Variants in ADAM23 observed in about 807,000 individuals in gnomAD.
The protein encoded by ADAM23 is disintegrin and metalloproteinase domain-containing protein 23.
ADAM23 carries 33 observed loss-of-function variants against 120.1 expected under a neutral mutation model. That is an observed-to-expected ratio of 0.27 (90% CI 0.21 to 0.37). The LOEUF is 0.37. Ranked by LOEUF, ADAM23 falls within the 10% of genes least tolerant of loss-of-function variation. ADAM23 has a pLI of 1.00. For missense variants in ADAM23, 862 were observed against 1,058.2 expected (o/e 0.81, Z 2.57); for synonymous variants, 367 against 375.2 (o/e 0.98, Z 0.25).
At chr2:206,453,520 A>G (rs1434081356) in intron 2 of ADAM23, among the ~76,000 whole-genome samples, 2 of 152,254 alleles carry the variant, frequency 1.3e-5, no homozygotes, top group Admixed American at 6.5e-5. Flanking sequence ...ATTCATTCAT[A>G]TAATTCATTC....
chr2:206,502,936 C>A (rs2059303), intron 3 of ADAM23, among the ~76,000 whole-genome samples: 100,051 of 152,002 alleles, frequency 0.66, 33,448 homozygotes, highest in African/African-American at 0.73. Flanking sequence ...CCAGGGGGAG[C>A]TATGTAGATT....
chr2:206,449,830 G>A (rs758433123), intron 2 of ADAM23, among the ~76,000 whole-genome samples: 7 of 152,202 alleles, frequency 4.6e-5, no homozygotes, highest in East Asian at 1.9e-4. Flanking sequence ...TAGGATTCTC[G>A]TCTCTTCTGG....
intron 7 of ADAM23, 120 bp from the exon 8 acceptor site, chr2:206,548,161 C>A (rs1164233957): frequency 5.9e-6 from 5 of 849,648 alleles, no homozygotes; most frequent in Non-Finnish European, 7.3e-6. Flanking sequence ...GATCAGTGTG[C>A]TTTTTTTCAC....
chr2:206,525,077 T>A (rs1449240996), intron 3 of ADAM23, among the ~76,000 whole-genome samples: 1 of 152,220 alleles, frequency 6.6e-6, no homozygotes, highest in Non-Finnish European at 1.5e-5. Context: ...ATGTCTGTTG[T>A]CCTGGCACAA....
At chr2:206,591,752 A>C (rs1171531806) in intron 21 of ADAM23, among the ~76,000 whole-genome samples, 2 of 152,156 alleles carry the variant, frequency 1.3e-5, no homozygotes, top group Non-Finnish European at 2.9e-5. Context: ...TGAACTAGTA[A>C]ATTCTACCAT....
At chr2:206,562,987 G>A (rs910866914) in intron 13 of ADAM23, among the ~76,000 whole-genome samples, 2 of 152,142 alleles carry the variant, frequency 1.3e-5, no homozygotes, top group African/African-American at 4.8e-5. Flanking sequence ...AAGGGTCTAG[G>A]GCTCACAGTA....
At position 206,534,166 on chromosome 2, in the gene ADAM23, C is replaced by T. The variant is rs562168046; in HGVS notation, c.573+3218C>T. On this transcript the variant is annotated intron_variant, in intron 4 of 25. Transcript: ENST00000264377. ...AAACCACACCACCTGTTAACAGTTG[C>T]TCCCCAGTCTCTCTTTTACCAACCA... Among the ~76,000 whole-genome samples the T allele has an allele frequency of 2.3e-3, 354 of 152,218 alleles. 2 individuals are homozygous for T. Among genetic ancestry groups the T allele is most frequent in the Non-Finnish European group, 3.1e-3 (209 of 67,998 alleles).
intron 18 of ADAM23, among the ~76,000 whole-genome samples, chr2:206,580,869 T>C (rs1462873793): frequency 6.6e-6 from 1 of 152,190 alleles, no homozygotes; most frequent in Non-Finnish European, 1.5e-5. Context: ...TGGTAATTTT[T>C]AAATTATCAT....
intron 24 of ADAM23, among the ~76,000 whole-genome samples, chr2:206,604,133 G>T (rs958741666): frequency 3.3e-5 from 5 of 152,066 alleles, no homozygotes; most frequent in African/African-American, 1.2e-4. Context: ...GGGTGTGGTG[G>T]TGCGCACCTG....
At chr2:206,456,472 G>A (rs1695303719) in intron 2 of ADAM23, among the ~76,000 whole-genome samples, 1 of 152,092 alleles carries the variant, frequency 6.6e-6, no homozygotes, top group Admixed American at 6.5e-5. Flanking sequence ...CAGGATGTGG[G>A]AAATCCGTCC....
intron 19 of ADAM23, 110 bp downstream of exon 19, chr2:206,587,485 TA>T: frequency 3.9e-6 from 3 of 772,970 alleles, no homozygotes; most frequent in African/African-American, 1.8e-5. Flanking sequence ...TTTACTCAAG[TA>T]AATTATTATA....
At chr2:206,541,312 A>C (rs952920052) in intron 4 of ADAM23, among the ~76,000 whole-genome samples, 6 of 152,220 alleles carry the variant, frequency 3.9e-5, no homozygotes, top group Non-Finnish European at 8.8e-5. Flanking sequence ...ATTTGTGTAC[A>C]CATAAACAAT....
At chr2:206,564,025 C>T (rs1434482963) in intron 13 of ADAM23, among the ~76,000 whole-genome samples, 1 of 152,044 alleles carries the variant, frequency 6.6e-6, no homozygotes, top group Non-Finnish European at 1.5e-5. Context: ...CCACTGCGCC[C>T]GGCCTAAAAT....
At chr2:206,615,368 G>A (rs1698916160) in intron 25 of ADAM23, among the ~76,000 whole-genome samples, 1 of 152,174 alleles carries the variant, frequency 6.6e-6, no homozygotes, top group South Asian at 2.1e-4. Flanking sequence ...AGAGGAAACC[G>A]TTATGAAGAA....
At chr2:206,447,755 C>CTT (rs1234833941) in intron 2 of ADAM23, among the ~76,000 whole-genome samples, 4 of 152,074 alleles carry the variant, frequency 2.6e-5, no homozygotes, top group African/African-American at 9.7e-5. Context: ...TGTTATGTAC[C>CTT]TTTTTTTCCC....
At chr2:206,617,203 C>CCATTTTTCTTAGT (rs1430814991) in intron 25 of ADAM23, among the ~76,000 whole-genome samples, 32 of 152,264 alleles carry the variant, frequency 2.1e-4, no homozygotes, top group African/African-American at 7.2e-4. Context: ...TTTCTTAGTT[C>CCATTTTTCTTAGT]TCCCAATAGG....
At chr2:206,571,230 C>G (rs768981615) in intron 16 of ADAM23, among the ~76,000 whole-genome samples, 36 of 151,634 alleles carry the variant, frequency 2.4e-4, no homozygotes, top group Non-Finnish European at 4.3e-4. Flanking sequence ...AATCCCAGCA[C>G]TTTGGGAGGC....
At chr2:206,561,044 A>G (rs1023545128) in intron 11 of ADAM23, 84 bp from the exon 12 acceptor site, 32 of 1,176,690 alleles carry the variant, frequency 2.7e-5, no homozygotes, top group African/African-American at 1.2e-4. Context: ...GGGGTGTTCC[A>G]TGTAGGAGGG....
At chr2:206,475,965 A>G (rs2105873063) in intron 2 of ADAM23, among the ~76,000 whole-genome samples, 1 of 152,330 alleles carries the variant, frequency 6.6e-6, no homozygotes, top group East Asian at 1.9e-4. Flanking sequence ...CACACCTGTC[A>G]CATGTATACA....
Sources: allele counts gnomAD v4.1 joint callset (sites outside exome capture counted in the v4.1 genomes callset), GRCh38; gene constraint gnomAD v4.1.1; transcripts MANE v1.5; gene names NCBI Gene and HGNC (gene_info 2026-07-23, HGNC 2026-07-21).